The following SMOC2 variants were observed in gnomAD, a reference collection of about 807,000 sequenced individuals.
SMOC2 encodes SPARC related modular calcium binding 2.
Under a neutral mutation model 61.4 loss-of-function variants are expected in SMOC2, and 39 were observed. That is an observed-to-expected ratio of 0.64 (90% CI 0.49 to 0.83). SMOC2 has a LOEUF of 0.83. Among genes scored for constraint, SMOC2 ranks in the 40% least tolerant of loss-of-function variants. The pLI, the probability that SMOC2 is intolerant of heterozygous loss-of-function variation, is 0.00. For missense variants in SMOC2, 556 were observed against 592.9 expected (o/e 0.94, Z 0.65); for synonymous variants, 247 against 239.9 (o/e 1.03, Z -0.27).
intron 2 of SMOC2, among the ~76,000 whole-genome samples, chr6:168,523,098 T>TTTTTTTTTTTTTTG (rs1562569015): frequency 1.7e-5 from 2 of 117,532 alleles, no homozygotes; most frequent in Non-Finnish European, 4.0e-5. Context: ...TTTTTTTTTT[T>TTTTTTTTTTTTTTG]TGAGACGGAG....
intron 9 of SMOC2, among the ~76,000 whole-genome samples, chr6:168,624,477 CCT>C (rs1317624367): frequency 6.6e-6 from 1 of 152,184 alleles, no homozygotes; most frequent in African/African-American, 2.4e-5. Flanking sequence ...ATGAAGTTGT[CCT>C]CTCATGTAAT....
At chr6:168,519,182 CGTGCATGTGTATGTGTGT>C (rs1339206780) in intron 2 of SMOC2, among the ~76,000 whole-genome samples, 15 of 146,050 alleles carry the variant, frequency 1.0e-4, no homozygotes, top group African/African-American at 2.5e-4. Flanking sequence ...TGTGAGTATG[CGTGCATGTGTATGTGTGT>C]GTATGCATGC....
At chr6:168,546,280 A>ATGATCC (rs1226035431) in intron 5 of SMOC2, among the ~76,000 whole-genome samples, 5 of 141,578 alleles carry the variant, frequency 3.5e-5, no homozygotes, top group Admixed American at 7.2e-5. Flanking sequence ...AAAAAAAAGG[A>ATGATCC]TGATCCTGAG....
At chr6:168,663,332 C>G (rs909929634) in intron 11 of SMOC2, among the ~76,000 whole-genome samples, 1 of 152,186 alleles carries the variant, frequency 6.6e-6, no homozygotes, top group African/African-American at 2.4e-5. Context: ...TTTGACTCTA[C>G]TCGAAGCTTT....
intron 1 of SMOC2, among the ~76,000 whole-genome samples, chr6:168,447,789 T>TGTCC (rs1170341653): frequency 4.1e-4 from 63 of 151,834 alleles, no homozygotes; most frequent in African/African-American, 1.5e-3. Flanking sequence ...GTCTGCTGGA[T>TGTCC]TTTAGTCACT....
At chr6:168,524,919 C>G (rs900322432) in intron 2 of SMOC2, among the ~76,000 whole-genome samples, 4 of 152,246 alleles carry the variant, frequency 2.6e-5, no homozygotes, top group African/African-American at 9.6e-5. Flanking sequence ...CCTGTAGGAG[C>G]CCGCTGTGAC....
In SMOC2 at chr6:168,543,633, A is replaced by G; in HGVS notation, c.472A>G (p.Asn158Asp). 6.2e-7 allele frequency: 1 copy of G among 1,613,928 alleles called. No homozygotes were observed. Residue 158 changes from asparagine (N) to aspartate (D), a missense_variant, in exon 5 of 13, where the codon AAT (asparagine) becomes GAT (aspartate). Transcript: ENST00000356284. ...TTATTTTCCTCTTTTAGGTTCCGTA[A>G]ATGAAAAGTTACCCCAACGCGAAGG... is the stretch of plus-strand genomic sequence containing the variant. ...HKTPRCPGSV[N>D]EKLPQREGTG...
At chr6:168,498,274 A>G (rs544627526) in intron 1 of SMOC2, among the ~76,000 whole-genome samples, 1 of 152,268 alleles carries the variant, frequency 6.6e-6, no homozygotes, top group Admixed American at 6.5e-5. Flanking sequence ...ATATTCTGTA[A>G]CATGTATTTT....
chr6:168,512,023 G>C (rs1783021871), intron 2 of SMOC2, among the ~76,000 whole-genome samples: 1 of 152,074 alleles, frequency 6.6e-6, no homozygotes, highest in Non-Finnish European at 1.5e-5. Flanking sequence ...GTTCTGGTTT[G>C]TCGGTCAGAT....
chr6:168,630,350 C>A (rs922676050), intron 9 of SMOC2, among the ~76,000 whole-genome samples: 9 of 152,208 alleles, frequency 5.9e-5, no homozygotes, highest in Admixed American at 5.9e-4. Flanking sequence ...TTTATAATTT[C>A]TTATGCCTGT....
chr6:168,529,538 T>G (rs569367990), intron 4 of SMOC2, among the ~76,000 whole-genome samples: 1 of 152,150 alleles, frequency 6.6e-6, no homozygotes, highest in South Asian at 2.1e-4. Context: ...ACGGAAAAAC[T>G]CTCTTAATCC....
At chr6:168,642,393 T>A (rs1786914817) in intron 9 of SMOC2, among the ~76,000 whole-genome samples, 1 of 152,114 alleles carries the variant, frequency 6.6e-6, no homozygotes, top group Admixed American at 6.6e-5. Flanking sequence ...TCTGTTGACG[T>A]CTCCACTTGC....
At chr6:168,443,809 C>G (rs1781270715) in intron 1 of SMOC2, among the ~76,000 whole-genome samples, 1 of 152,206 alleles carries the variant, frequency 6.6e-6, no homozygotes, top group South Asian at 2.1e-4. Flanking sequence ...CAGTATCAGT[C>G]CATGCAGTGG....
At chr6:168,474,655 C>T (rs1300781184) in intron 1 of SMOC2, among the ~76,000 whole-genome samples, 1 of 152,126 alleles carries the variant, frequency 6.6e-6, no homozygotes, top group African/African-American at 2.4e-5. Context: ...GCGCCACAGC[C>T]AAGACCACCA....
At chr6:168,619,168 G>C (rs999426708) in intron 9 of SMOC2, among the ~76,000 whole-genome samples, 2 of 152,084 alleles carry the variant, frequency 1.3e-5, no homozygotes, top group Non-Finnish European at 2.9e-5. Flanking sequence ...GTTTCCTTTA[G>C]AGCCAGATTT....
intron 1 of SMOC2, among the ~76,000 whole-genome samples, chr6:168,472,347 C>A (rs1781983347): frequency 6.6e-6 from 1 of 152,122 alleles, no homozygotes; most frequent in East Asian, 1.9e-4. Context: ...TACTGAAAAT[C>A]ATTTGCCTGT....
chr6:168,647,002 C>T (rs1583184710), intron 9 of SMOC2, among the ~76,000 whole-genome samples: 1 of 112,738 alleles, frequency 8.9e-6, no homozygotes, highest in South Asian at 2.7e-4. Context: ...GCTTATTATT[C>T]CCCCCAGGAG....
chr6:168,494,413 T>C (rs1033168359), intron 1 of SMOC2, among the ~76,000 whole-genome samples: 2 of 152,174 alleles, frequency 1.3e-5, no homozygotes, highest in Non-Finnish European at 2.9e-5. Flanking sequence ...TCTTCTTCCT[T>C]CTCCTCTTTT....
At chr6:168,526,532 T>TG (rs1164722675) in intron 3 of SMOC2, 80 bp downstream of exon 3, 14 of 1,175,922 alleles carry the variant, frequency 1.2e-5, no homozygotes, top group Admixed American at 3.5e-5. Context: ...AGAAGGCAGG[T>TG]GGGGGGAGCC....
Sources: allele counts gnomAD v4.1 joint callset (sites outside exome capture counted in the v4.1 genomes callset), GRCh38; gene constraint gnomAD v4.1.1; transcripts MANE v1.5; gene names NCBI Gene and HGNC (gene_info 2026-07-23, HGNC 2026-07-21).